Variants in AOPEP observed in about 807,000 individuals in gnomAD.
The protein encoded by AOPEP is aminopeptidase O.
A neutral mutation model predicts 98.1 loss-of-function variants in AOPEP; 77 were observed. The observed-to-expected ratio is 0.78, with a 90% CI of 0.65 to 0.95. AOPEP has a LOEUF of 0.95. AOPEP is among the 40% of genes least tolerant of loss of function. The pLI, the probability that AOPEP is intolerant of heterozygous loss-of-function variation, is 0.00. For missense variants in AOPEP, 1,024 were observed against 1,024.7 expected (o/e 1.00, Z 0.01); for synonymous variants, 346 against 365.3 (o/e 0.95, Z 0.60).
the AOPEP span, chr9:95,124,954 C>A: frequency 1.3e-6 from 1 of 778,438 alleles, no homozygotes; most frequent in Admixed American, 2.0e-5. Flanking sequence ...TGTTGGGGCA[C>A]TCATTAGGAA....
the AOPEP span, chr9:95,123,505 A>G: frequency 2.1e-6 from 1 of 478,938 alleles, no homozygotes; most frequent in Non-Finnish European, 4.2e-6. Flanking sequence ...TGCTTCCTCC[A>G]GTCCGTGCCT....
intron 10 of AOPEP, among the ~76,000 whole-genome samples, chr9:94,976,671 T>C (rs540581634): frequency 1.0e-3 from 154 of 150,594 alleles, no homozygotes; most frequent in Non-Finnish European, 1.9e-3. Flanking sequence ...TTTTTTTTTT[T>C]CTTTTTGGGG....
At chr9:94,954,445 G>A (rs979481688) in intron 7 of AOPEP, among the ~76,000 whole-genome samples, 2 of 152,174 alleles carry the variant, frequency 1.3e-5, no homozygotes, top group East Asian at 1.9e-4. Context: ...TAACACTAAC[G>A]ACAGCTGATA....
intron 11 of AOPEP, among the ~76,000 whole-genome samples, chr9:94,994,362 T>G (rs1328465899): frequency 6.6e-6 from 1 of 152,182 alleles, no homozygotes; most frequent in African/African-American, 2.4e-5. Context: ...TGCCTCCAGT[T>G]GACTAGAGTA....
intron 10 of AOPEP, among the ~76,000 whole-genome samples, chr9:94,975,502 C>T (rs1249769915): frequency 1.3e-5 from 2 of 152,128 alleles, no homozygotes; most frequent in East Asian, 1.9e-4. Flanking sequence ...CTGAGTTGGC[C>T]GAAGACTGTG....
At chr9:94,957,571 A>G (rs1311252964) in intron 9 of AOPEP, among the ~76,000 whole-genome samples, 1 of 152,238 alleles carries the variant, frequency 6.6e-6, no homozygotes, top group Non-Finnish European at 1.5e-5. Context: ...TAAAATTCAC[A>G]TACCATAAAG....
chr9:95,051,706 CT>C (rs35555702), intron 13 of AOPEP, among the ~76,000 whole-genome samples: 400 of 142,626 alleles, frequency 2.8e-3, no homozygotes, highest in Middle Eastern at 3.6e-3. Context: ...GTTTATGAAA[CT>C]TTTTTTTTTT....
At chr9:94,805,464 T>C (rs1296204992) in intron 5 of AOPEP, among the ~76,000 whole-genome samples, 1 of 151,848 alleles carries the variant, frequency 6.6e-6, no homozygotes, top group African/African-American at 2.4e-5. Flanking sequence ...CATCCTAGTT[T>C]GAAAGGTTTT....
intron 9 of AOPEP, among the ~76,000 whole-genome samples, chr9:94,957,799 A>T (rs1413666635): frequency 3.9e-5 from 6 of 152,128 alleles, no homozygotes; most frequent in Non-Finnish European, 1.5e-5. Context: ...AAAGAATCAT[A>T]TGCTTTGAGA....
At chr9:94,744,032 C>T (rs1003021115) in intron 1 of AOPEP, among the ~76,000 whole-genome samples, 1 of 152,070 alleles carries the variant, frequency 6.6e-6, no homozygotes, top group African/African-American at 2.4e-5. Flanking sequence ...ATGAAGGTTA[C>T]TGAATAACAA....
In AOPEP at chr9:94,956,389, C is replaced by T. The variant is rs920678969; in HGVS notation, c.1872+374C>T. 5.9e-5 allele frequency among the ~76,000 whole-genome samples: 9 copies of T among 152,262 alleles called. No individual in the cohort carries two copies. The South Asian group carries it at 1.3e-3, about 21-fold the overall frequency. On this transcript the variant is annotated intron_variant, in intron 9 of 16. Coordinates refer to ENST00000375315, the MANE Select transcript of AOPEP (RefSeq NM_001193329.3). ...CTAAACAGATCTGCATCCAGGCTCA[C>T]GTGTCCCACCCCTTTGCCCTTTCCA... is the stretch of plus-strand genomic sequence containing the variant.
chr9:94,728,239 G>GCGCGCGCGCGCGCGCGCACACA (rs113657409), intron 1 of AOPEP, among the ~76,000 whole-genome samples: 1 of 146,512 alleles, frequency 6.8e-6, no homozygotes, highest in Non-Finnish European at 1.5e-5. Flanking sequence ...GTGCGCGCAT[G>GCGCGCGCGCGCGCGCGCACACA]CACACACACA....
At chr9:94,931,947 A>AATG in intron 7 of AOPEP, 1 of 1,137,852 alleles carries the variant, frequency 8.8e-7, no homozygotes, top group Non-Finnish European at 1.2e-6. Flanking sequence ...GCTCAGAAAG[A>AATG]CTGAGTAATG....
intron 5 of AOPEP, among the ~76,000 whole-genome samples, chr9:94,804,354 T>A (rs149539802): frequency 0.013 from 1,971 of 152,344 alleles, 25 homozygotes; most frequent in South Asian, 0.044. Context: ...CTAGCTGTCG[T>A]CCATATATGT....
intron 11 of AOPEP, among the ~76,000 whole-genome samples, chr9:94,994,317 T>C (rs2061085605): frequency 6.6e-6 from 1 of 152,188 alleles, no homozygotes; most frequent in Admixed American, 6.5e-5. Flanking sequence ...AGTTTTTAAC[T>C]TAATCCTTCC....
the AOPEP span, chr9:95,135,650 A>T: frequency 1.5e-6 from 1 of 673,934 alleles, no homozygotes; most frequent in Non-Finnish European, 2.6e-6. Flanking sequence ...AGAATCAGTG[A>T]ATATTTACCA....
At chr9:94,955,019 C>T (rs895621508) in intron 7 of AOPEP, among the ~76,000 whole-genome samples, 158 bp from the exon 8 acceptor site, 10 of 152,132 alleles carry the variant, frequency 6.6e-5, no homozygotes, top group Admixed American at 5.2e-4. Flanking sequence ...ATCCCGTAGA[C>T]GAGTATGTAA....
At chr9:95,096,648 G>C in the AOPEP span, among the ~76,000 whole-genome samples, 2 of 152,134 alleles carry the variant, frequency 1.3e-5, no homozygotes, top group Admixed American at 6.5e-5. Flanking sequence ...ACCAGGAGGG[G>C]GTCAGGAGAA....
intron 8 of AOPEP, among the ~76,000 whole-genome samples, 181 bp from the exon 9 acceptor site, chr9:94,955,727 G>A (rs2058402116): frequency 6.6e-6 from 1 of 152,060 alleles, no homozygotes; most frequent in Admixed American, 6.5e-5. Flanking sequence ...AAGGAGTTGA[G>A]AACTAATTAA....
Sources: allele counts gnomAD v4.1 joint callset (sites outside exome capture counted in the v4.1 genomes callset), GRCh38; gene constraint gnomAD v4.1.1; transcripts MANE v1.5; gene names NCBI Gene and HGNC (gene_info 2026-07-23, HGNC 2026-07-21).